The following MCF2L variants were observed in gnomAD, a reference collection of about 807,000 sequenced individuals.
The protein encoded by MCF2L is MCF.2 cell line derived transforming sequence like, also known as guanine nucleotide exchange factor DBS.
Under a neutral mutation model 153.4 loss-of-function variants are expected in MCF2L, and 97 were observed. That is an observed-to-expected ratio of 0.63 (90% CI 0.54 to 0.75). The LOEUF (loss-of-function observed/expected upper bound fraction) is 0.75. Among genes scored for constraint, MCF2L ranks in the 30% least tolerant of loss-of-function variants. The pLI is 0.00. For missense variants in MCF2L, 1,347 were observed against 1,495.2 expected, an observed-to-expected ratio of 0.90 and a Z score of 1.64; for synonymous variants, 659 against 632.2, an observed-to-expected ratio of 1.04 and a Z score of -0.64.
rs2140512170 is a variant in MCF2L, at chr13:112,907,859, A to G, written c.169+5488A>G. Among the ~76,000 whole-genome samples the G allele has an allele frequency of 6.6e-6, 1 of 152,290 alleles. No homozygotes were observed. Among genetic ancestry groups the G allele is most frequent in the Non-Finnish European group, 1.5e-5 (1 of 68,022 alleles). ...GCGCATGTTGGGAGAATGAGCACCC[A>G]CTGCTCCCTCCACTCATCTTTTCTT... On this transcript the variant is annotated intron_variant, in intron 2 of 29. Coordinates refer to the MCF2L transcript ENST00000375608. This position sits in a 1 kb window ranked among gnomAD's most constrained non-coding sequence, Gnocchi z 5.1.
chr13:112,968,554 G>A (rs1380956945), upstream of MCF2L: 5 of 1,548,950 alleles, frequency 3.2e-6, no homozygotes, highest in South Asian at 2.4e-5. Flanking sequence ...TGCGGGGAGG[G>A]GCTGGTCCAT....
chr13:113,028,731 A>G lies in MCF2L; in HGVS notation c.278+3973A>G, dbSNP rs2993311. On this transcript the variant is annotated intron_variant, in intron 3 of 29. Coordinates refer to ENST00000535094, the MANE Select transcript of MCF2L (RefSeq NM_001112732.3). The surrounding 1 kb of genome is among the most constrained non-coding windows in gnomAD (Gnocchi z 5.4). ...CTGGAAATGCCAGCTTCATTCAGCC[A>G]TGAGCAGTGCTGCTGACCGTGGAGC... 0.24 allele frequency among the ~76,000 whole-genome samples: 36,059 copies of G among 152,190 alleles called. 4,586 individuals carry two copies. Among genetic ancestry groups the G allele is most frequent in the East Asian group, 0.47 (2,409 of 5,164 alleles).
At chr13:113,090,045 AG>A in intron 26 of MCF2L, 1 of 1,584,678 alleles carries the variant, frequency 6.3e-7, no homozygotes, top group Non-Finnish European at 8.6e-7. Flanking sequence ...CCCTCTGCAT[AG>A]TTTCTTTCTC....
At chr13:113,078,285 C>A (rs2033719749) in intron 13 of MCF2L, 78 bp from the exon 14 acceptor site, 2 of 1,186,790 alleles carry the variant, frequency 1.7e-6, no homozygotes, top group African/African-American at 1.5e-5. Flanking sequence ...CTCCTCGGGG[C>A]CTTTTCCCGC....
intron 27 of MCF2L, chr13:113,095,562 GCCATCAC>G: frequency 9.9e-7 from 1 of 1,006,294 alleles, no homozygotes; most frequent in Non-Finnish European, 1.2e-6. Flanking sequence ...GCCAGTACAG[GCCATCAC>G]GTGAGGGCAG....
chr13:113,091,513 C>T (rs1195881189), intron 26 of MCF2L, among the ~76,000 whole-genome samples: 4 of 152,184 alleles, frequency 2.6e-5, no homozygotes, highest in Non-Finnish European at 4.4e-5. Context: ...GTCTCACTGC[C>T]CAGTGGCTGC....
chr13:113,045,492 T>C lies in MCF2L; in HGVS notation c.369+131T>C. The C allele has an allele frequency of 1.2e-6, 1 of 813,164 alleles. No individual in the cohort carries two copies. The highest frequency in any genetic ancestry group is 2.0e-6 in the Non-Finnish European group (1 of 500,698). The allele number at this position is 813,164 out of a possible 1,614,324, so 50.4% of individuals were successfully genotyped here. A position where few individuals can be genotyped will look rare whatever the true frequency, so the allele number is the denominator to read the frequency against. On this transcript the variant is annotated intron_variant, in intron 4 of 29. Transcript: ENST00000535094. The surrounding 1 kb of genome is among the most constrained non-coding windows in gnomAD (Gnocchi z 4.2). ...TGGGACAGAGCCCAGTCCCGGCGGG[T>C]GGAGGCCGGCGCCAAGGCCCCCCCT...
At chr13:113,065,794 C>G (rs1225004376) in intron 7 of MCF2L, among the ~76,000 whole-genome samples, 3 of 152,220 alleles carry the variant, frequency 2.0e-5, no homozygotes, top group Non-Finnish European at 2.9e-5. Flanking sequence ...GTGACTCTTT[C>G]ACCTTAACCC....
intron 2 of MCF2L, among the ~76,000 whole-genome samples, chr13:112,930,629 C>T (rs2081452967): frequency 6.6e-6 from 1 of 152,174 alleles, no homozygotes; most frequent in Non-Finnish European, 1.5e-5. Context: ...ATGCACAGCA[C>T]AGAGTAAATC....
chr13:113,046,977 G>A lies in MCF2L; in HGVS notation c.369+1616G>A. ...GGCTCACAGTTCTGCAGGCTGCACA[G>A]GCTTAGCACCTGCATCTTCTCAGCT... On this transcript the variant is annotated intron_variant, in intron 4 of 29. Coordinates refer to ENST00000535094, the MANE Select transcript of MCF2L (RefSeq NM_001112732.3). This position sits in a 1 kb window ranked among gnomAD's most constrained non-coding sequence, Gnocchi z 4.4. 1 of 170,700 alleles carries A rather than the reference G, an allele frequency of 5.9e-6. No homozygotes were observed. Among genetic ancestry groups the A allele is most frequent in the Non-Finnish European group, 1.2e-5 (1 of 80,072 alleles). 10.6% of individuals were successfully genotyped at this position (170,700 alleles called of 1,614,324 possible).
At chr13:112,981,753 C>T (rs1566685565) in intron 1 of MCF2L, among the ~76,000 whole-genome samples, 1 of 152,328 alleles carries the variant, frequency 6.6e-6, no homozygotes, top group Admixed American at 6.5e-5. Flanking sequence ...GGTGCGGGTG[C>T]GGCTCAGAGC....
Position 113,096,910 on chromosome 13 carries a change from G to A in MCF2L, c.*51G>A. On this transcript the variant is annotated 3_prime_UTR_variant, in exon 30 of 30. Coordinates refer to ENST00000535094, the MANE Select transcript of MCF2L (RefSeq NM_001112732.3). ...GCGCTGTCTGGGGCTGCGGTGGCGT[G>A]GGGAGGGCGCGGCCCCCGGACGCCC... The A allele has an allele frequency of 8.0e-7, 1 of 1,250,680 alleles. No individual in the cohort carries two copies. The highest frequency in any genetic ancestry group is 1.6e-5 in the African/African-American group (1 of 63,382). 77.5% of individuals were successfully genotyped at this position (1,250,680 alleles called of 1,614,324 possible). A position where few individuals can be genotyped will look rare whatever the true frequency, so the allele number is the denominator to read the frequency against.
At position 113,064,877 on chromosome 13, in the gene MCF2L, G is replaced by T; in HGVS notation, c.607-59G>T. On this transcript the variant is annotated intron_variant, in intron 6 of 29. Transcript: ENST00000535094. The surrounding 1 kb of genome is among the most constrained non-coding windows in gnomAD (Gnocchi z 6.0). ...GGTTTCCGCCGGTGTCTGCTTTCAG[G>T]GCAGCAGGAGGTGGGTGCAGTGCAC... is the stretch of plus-strand genomic sequence containing the variant. 6.4e-7 allele frequency: 1 copy of T among 1,560,828 alleles called. No individual in the cohort carries two copies.
chr13:113,088,935 C>G (rs2034912391), intron 25 of MCF2L, among the ~76,000 whole-genome samples: 1 of 152,250 alleles, frequency 6.6e-6, no homozygotes, highest in African/African-American at 2.4e-5. Flanking sequence ...CGGGGCTCAG[C>G]TGGGAGCCGG....
At chr13:112,988,060 G>C (rs1594503157) in intron 1 of MCF2L, among the ~76,000 whole-genome samples, 1 of 152,240 alleles carries the variant, frequency 6.6e-6, no homozygotes, top group Non-Finnish European at 1.5e-5. Context: ...GCTGCGGGGC[G>C]AGGAGGCCTC....
intron 2 of MCF2L, among the ~76,000 whole-genome samples, chr13:112,925,829 G>A (rs945348596): frequency 6.6e-6 from 1 of 152,166 alleles, no homozygotes; most frequent in Non-Finnish European, 1.5e-5. Context: ...AGAAAGCATT[G>A]CGTTGATTAC....
intron 3 of MCF2L, chr13:113,042,580 G>A (rs1335372537): frequency 1.3e-5 from 2 of 152,160 alleles, no homozygotes; most frequent in African/African-American, 2.4e-5. Flanking sequence ...CGCCTTTTTC[G>A]TGGCTGCAGC....
In MCF2L at chr13:112,951,486, C is replaced by T. The variant is rs775045318; in HGVS notation, c.169+49115C>T. 6.6e-6 allele frequency among the ~76,000 whole-genome samples: 1 copy of T among 152,170 alleles called. No individual in the cohort carries two copies. The highest frequency in any genetic ancestry group is 2.4e-5 in the African/African-American group (1 of 41,430). On this transcript the variant is annotated intron_variant, in intron 2 of 29. Coordinates refer to the MCF2L transcript ENST00000375608. This position sits in a 1 kb window ranked among gnomAD's most constrained non-coding sequence, Gnocchi z 4.8. ...TTGGTGGGTGAAACGTTAAATTGTACGTCCGCACCATGAACTATTGATACC... is the reference window on the plus strand; with the variant it reads ...TTGGTGGGTGAAACGTTAAATTGTATGTCCGCACCATGAACTATTGATACC...
chr13:112,945,042 T>G (rs1594365847), intron 2 of MCF2L, among the ~76,000 whole-genome samples: 1 of 148,764 alleles, frequency 6.7e-6, no homozygotes, highest in Admixed American at 6.8e-5. Context: ...AGGAAGATGG[T>G]GCAGGGTGGG....
Sources: gnomAD v4.1 joint callset for allele counts (sites outside exome capture counted in the v4.1 genomes callset) on GRCh38, gnomAD v4.1.1 for gene constraint, Gnocchi (gnomAD v3.1) non-coding constraint, MANE v1.5 for transcripts, NCBI Gene and HGNC (gene_info 2026-07-23, HGNC 2026-07-21) for gene names.